Variants in FAM107B observed in about 807,000 individuals in gnomAD.
FAM107B encodes the protein family with sequence similarity 107 member B.
Under a neutral mutation model 31.5 loss-of-function variants are expected in FAM107B, and 21 were observed. That is an observed-to-expected ratio of 0.67 (90% CI 0.47 to 0.96). The LOEUF is 0.96. Among genes scored for constraint, FAM107B ranks in the 40% least tolerant of loss-of-function variants. The probability of loss-of-function intolerance (pLI) is 0.00; values close to 1 mark genes in which losing one functional copy is unlikely to be tolerated. For synonymous variants in FAM107B, 157 were observed against 141.5 expected (o/e 1.11, Z -0.78); for missense variants, 452 against 377.1 (o/e 1.20, Z -1.64).
rs181162366 is a variant in FAM107B at position 14,691,665 on chromosome 10, G to A, written c.412-23974C>T. Among the ~76,000 whole-genome samples the A allele has an allele frequency of 2.6e-3, 392 of 152,208 alleles. 1 individual carries two copies. The highest frequency in any genetic ancestry group is 0.01 in the Middle Eastern group (3 of 294). The stretch of plus-strand genomic sequence containing the variant: ...TCCTAGCCCTTTGGGAGGCCAAGGC[G>A]GTTGGATCACTTGAGGTCAGAAGTT... On this transcript the variant is annotated intron_variant, in intron 1 of 4. Transcript: ENST00000181796.
At chr10:14,587,682 C>T (rs1851889363) in intron 2 of FAM107B, among the ~76,000 whole-genome samples, 1 of 152,134 alleles carries the variant, frequency 6.6e-6, no homozygotes, top group Non-Finnish European at 1.5e-5. Context: ...TGTTTCCTGT[C>T]CTTGTTTTTA....
chr10:14,627,602 C>A (rs1366076546), intron 2 of FAM107B, among the ~76,000 whole-genome samples: 1 of 152,120 alleles, frequency 6.6e-6, no homozygotes, highest in Non-Finnish European at 1.5e-5. Flanking sequence ...TAACGACACC[C>A]CATCTCTACA....
intron 1 of FAM107B, among the ~76,000 whole-genome samples, chr10:14,727,374 C>T (rs558035116): frequency 2.6e-5 from 4 of 152,310 alleles, no homozygotes; most frequent in African/African-American, 9.6e-5. Flanking sequence ...CATCACACTG[C>T]CTGAGCCACG....
chr10:14,539,383 C>T (rs1210766979), intron 2 of FAM107B, among the ~76,000 whole-genome samples: 1 of 152,176 alleles, frequency 6.6e-6, no homozygotes, highest in Non-Finnish European at 1.5e-5. Context: ...GCAAATTACT[C>T]CTGCAACTAA....
rs536810381 is a variant in FAM107B, at chr10:14,580,971, C to G, written c.470-50456G>C. 4.6e-5 allele frequency among the ~76,000 whole-genome samples: 7 copies of G among 152,324 alleles called. No individual in the cohort carries two copies. The East Asian group carries it at 1.3e-3, about 29-fold the overall frequency. On this transcript the variant is annotated intron_variant, in intron 2 of 4. Transcript: ENST00000181796. The stretch of plus-strand genomic sequence containing the variant: ...TTGGTAAGTTCAATAAGCAATCTCA[C>G]CTGGCTGAATGCACCTGAAGTTACA...
chr10:14,539,453 A>T (rs1847958173), intron 2 of FAM107B, among the ~76,000 whole-genome samples: 1 of 152,178 alleles, frequency 6.6e-6, no homozygotes, highest in Admixed American at 6.5e-5. Context: ...GGCATTTTCT[A>T]TATTGTCCAA....
chr10:14,756,973 A>G (rs1832943672), intron 1 of FAM107B, among the ~76,000 whole-genome samples: 1 of 152,188 alleles, frequency 6.6e-6, no homozygotes, highest in Non-Finnish European at 1.5e-5. Flanking sequence ...GAACACATAG[A>G]CACACAGAGG....
At chr10:14,549,724 A>G (rs1044718378) in intron 2 of FAM107B, among the ~76,000 whole-genome samples, 1 of 152,198 alleles carries the variant, frequency 6.6e-6, no homozygotes, top group Admixed American at 6.5e-5. Flanking sequence ...CACCACCGAC[A>G]GTGATCTCAG....
chr10:14,526,539 T>C lies in FAM107B; in HGVS notation c.653+3793A>G, dbSNP rs1053676045. On this transcript the variant is annotated intron_variant, in intron 3 of 4. Coordinates refer to ENST00000181796, the MANE Select transcript of FAM107B (RefSeq NM_031453.4). ...GTTTGGCCTGCCTCATTTACATTTC[T>C]GGTTTAGTCATTTTTACCTGCATGG... Among the ~76,000 whole-genome samples the C allele has an allele frequency of 3.3e-5, 5 of 152,380 alleles. No homozygotes were observed. The East Asian group carries it at 7.7e-4, about 23-fold the overall frequency.
chr10:14,616,508 A>T (rs565092115), intron 2 of FAM107B, among the ~76,000 whole-genome samples: 24 of 152,264 alleles, frequency 1.6e-4, no homozygotes, highest in Admixed American at 1.4e-3. Flanking sequence ...AGCCTGGTAT[A>T]AAAAAATGGA....
At chr10:14,718,671 C>T (rs1325046191) in intron 1 of FAM107B, among the ~76,000 whole-genome samples, 2 of 152,300 alleles carry the variant, frequency 1.3e-5, no homozygotes, top group Non-Finnish European at 1.5e-5. Context: ...CCAGATGAGG[C>T]TGACATCCAA....
intron 2 of FAM107B, among the ~76,000 whole-genome samples, chr10:14,555,382 A>C (rs1411753144): frequency 6.6e-6 from 1 of 152,226 alleles, no homozygotes; most frequent in Non-Finnish European, 1.5e-5. Flanking sequence ...AGACTTACAA[A>C]GACATCTATT....
chr10:14,695,685 T>A (rs1462831334), intron 1 of FAM107B, among the ~76,000 whole-genome samples: 1 of 152,254 alleles, frequency 6.6e-6, no homozygotes, highest in Non-Finnish European at 1.5e-5. Context: ...TAGTTTTCAG[T>A]GTACAAATCT....
chr10:14,651,465 C>A (rs553498433), intron 2 of FAM107B, among the ~76,000 whole-genome samples: 2 of 152,030 alleles, frequency 1.3e-5, no homozygotes, highest in Admixed American at 6.5e-5. Flanking sequence ...ATGAGCCAGG[C>A]GTGGTGGTGC....
intron 2 of FAM107B, among the ~76,000 whole-genome samples, chr10:14,646,215 G>T (rs1348819487): frequency 6.6e-6 from 1 of 152,138 alleles, no homozygotes; most frequent in African/African-American, 2.4e-5. Context: ...AGCTTTAGAG[G>T]TACAAGCGGT....
intron 1 of FAM107B, among the ~76,000 whole-genome samples, chr10:14,732,358 G>A (rs772719823): frequency 2.4e-4 from 37 of 152,272 alleles, no homozygotes; most frequent in Admixed American, 4.6e-4. Context: ...AGGCAGTGCC[G>A]TGTGGTGGGA....
At chr10:14,633,762 T>C (rs1564608809) in intron 2 of FAM107B, among the ~76,000 whole-genome samples, 1 of 152,182 alleles carries the variant, frequency 6.6e-6, no homozygotes, top group Non-Finnish European at 1.5e-5. Context: ...CCTGACAACT[T>C]TTTTTCATAA....
intron 2 of FAM107B, among the ~76,000 whole-genome samples, chr10:14,565,234 A>G: frequency 6.6e-6 from 1 of 152,204 alleles, no homozygotes; most frequent in East Asian, 1.9e-4. Flanking sequence ...TACTGGGGGA[A>G]GCAGGCATTC....
chr10:14,541,868 G>A (rs1848239114), intron 2 of FAM107B, among the ~76,000 whole-genome samples: 1 of 152,084 alleles, frequency 6.6e-6, no homozygotes, highest in African/African-American at 2.4e-5. Context: ...TTGTGCCTCT[G>A]GCTGACCTCC....
Sources: allele counts gnomAD v4.1 joint callset (sites outside exome capture counted in the v4.1 genomes callset), GRCh38; gene constraint gnomAD v4.1.1; transcripts MANE v1.5; gene names NCBI Gene and HGNC (gene_info 2026-07-23, HGNC 2026-07-21).